SLC16A12: variants seen among roughly 807,000 people sequenced by gnomAD.
The protein encoded by SLC16A12 is solute carrier family 16 member 12.
SLC16A12 carries 17 observed loss-of-function variants against 42.4 expected under a neutral mutation model. That is an observed-to-expected ratio of 0.40 (90% CI 0.27 to 0.60). SLC16A12 has a LOEUF of 0.60. SLC16A12 is among the 20% of genes least tolerant of loss of function. SLC16A12 has a pLI of 0.42. For synonymous variants in SLC16A12, 224 were observed against 229.4 expected (o/e 0.98, Z 0.21); for missense variants, 544 against 623.0 (o/e 0.87, Z 1.35).
Position 89,486,609 on chromosome 10 carries a change from AAGAAAG to A in SLC16A12, c.-46-23991_-46-23986del, listed in dbSNP as rs1842749714. Among the ~76,000 whole-genome samples, 5 of 70,056 alleles carry A rather than the reference AAGAAAG, an allele frequency of 7.1e-5. 1 individual carries two copies. The highest frequency in any genetic ancestry group is 3.6e-4 in the African/African-American group (5 of 13,760). 46.0% of individuals were successfully genotyped at this position (70,056 alleles called of 152,430 possible). On this transcript the variant is annotated intron_variant, in intron 2 of 7. Coordinates refer to ENST00000371790, the MANE Select transcript of SLC16A12 (RefSeq NM_213606.4). ...CTTGTCTCAAAAAAAAAAAAAAAGA[AAGAAAG>A]AAAGAAAGAAAGAAAGAAAGAAAGA...
At chr10:89,465,830 G>T (rs1006944438) in intron 2 of SLC16A12, among the ~76,000 whole-genome samples, 1 of 152,214 alleles carries the variant, frequency 6.6e-6, no homozygotes, top group African/African-American at 2.4e-5. Flanking sequence ...ATGTCAGTGA[G>T]TGATGAGGCA....
chr10:89,548,907 G>T (rs1173544127), intron 2 of SLC16A12, among the ~76,000 whole-genome samples: 1 of 152,220 alleles, frequency 6.6e-6, no homozygotes, highest in Non-Finnish European at 1.5e-5. Context: ...AGAGTGGAGA[G>T]GGATGTACAC....
chr10:89,519,076 A>G (rs1331359547), intron 2 of SLC16A12, among the ~76,000 whole-genome samples: 1 of 152,208 alleles, frequency 6.6e-6, no homozygotes, highest in Non-Finnish European at 1.5e-5. Flanking sequence ...GGGGAGAAGT[A>G]TTTTAGGAAT....
chr10:89,543,828 T>C (rs186982486), intron 2 of SLC16A12, among the ~76,000 whole-genome samples: 1 of 151,996 alleles, frequency 6.6e-6, no homozygotes. Context: ...CAGCAAGACC[T>C]TGTCAAAAAA....
chr10:89,474,868 T>C (rs1276879301), intron 2 of SLC16A12, among the ~76,000 whole-genome samples: 1 of 152,210 alleles, frequency 6.6e-6, no homozygotes, highest in Non-Finnish European at 1.5e-5. Context: ...AAGTAAGGAA[T>C]GCTCTATCCA....
At chr10:89,441,404 G>A (rs1391033985) in intron 4 of SLC16A12, among the ~76,000 whole-genome samples, 153 bp from the exon 5 acceptor site, 1 of 152,106 alleles carries the variant, frequency 6.6e-6, no homozygotes, top group Non-Finnish European at 1.5e-5. Context: ...GAGAAAGGAA[G>A]TGATTGTCCA....
intron 2 of SLC16A12, among the ~76,000 whole-genome samples, chr10:89,521,368 A>G (rs1317297145): frequency 1.3e-5 from 2 of 152,272 alleles, no homozygotes; most frequent in African/African-American, 4.8e-5. Flanking sequence ...GTCACAGAGC[A>G]ATAGCTCCAT....
chr10:89,485,438 C>G (rs115939535), intron 2 of SLC16A12, among the ~76,000 whole-genome samples: 1 of 152,234 alleles, frequency 6.6e-6, no homozygotes, highest in African/African-American at 2.4e-5. Flanking sequence ...CTTATGACAT[C>G]TAACGGCTCA....
chr10:89,447,038 C>T (rs1046463494), intron 3 of SLC16A12, among the ~76,000 whole-genome samples: 3 of 152,102 alleles, frequency 2.0e-5, no homozygotes, highest in Non-Finnish European at 2.9e-5. Context: ...GTAAAGGGAT[C>T]GATTCAACAA....
intron 2 of SLC16A12, among the ~76,000 whole-genome samples, chr10:89,488,005 C>T (rs1036195334): frequency 3.6e-5 from 5 of 139,854 alleles, no homozygotes; most frequent in Admixed American, 7.2e-5. Flanking sequence ...TACACACACA[C>T]ATTTATTATA....
intron 2 of SLC16A12, among the ~76,000 whole-genome samples, chr10:89,498,884 A>G (rs1842959399): frequency 6.6e-6 from 1 of 152,198 alleles, no homozygotes; most frequent in African/African-American, 2.4e-5. Context: ...AGAGATAACA[A>G]TCACTACAGC....
At position 89,554,416 on chromosome 10, in the gene SLC16A12, C is replaced by T. The variant is rs183345076; in HGVS notation, c.-47+1466G>A. ...TAGAGAGGGAAGCTCTTTTAATGGC[C>T]GAGAAAACCTTTTGAGGAAACAGGA... On this transcript the variant is annotated intron_variant, in intron 2 of 2. Transcript: ENST00000475682. 3.8e-4 allele frequency among the ~76,000 whole-genome samples: 58 copies of T among 152,244 alleles called. 1 individual carries two copies. Among genetic ancestry groups the T allele is most frequent in the Middle Eastern group, 3.4e-3 (1 of 294 alleles).
chr10:89,468,311 C>T (rs773801586), intron 2 of SLC16A12, among the ~76,000 whole-genome samples: 3 of 152,196 alleles, frequency 2.0e-5, no homozygotes, highest in East Asian at 1.9e-4. Context: ...CATGAATAAG[C>T]GCACTCGATC....
At position 89,491,515 on chromosome 10, in the gene SLC16A12, T is replaced by A. The variant is rs1016227706; in HGVS notation, c.-46-28891A>T. Among the ~76,000 whole-genome samples, 26 of 152,064 alleles carry A rather than the reference T, an allele frequency of 1.7e-4. 2 individuals carry two copies. Among genetic ancestry groups the A allele is most frequent in the Non-Finnish European group, 5.9e-5 (4 of 68,010 alleles). On this transcript the variant is annotated intron_variant, in intron 2 of 7. Transcript: ENST00000371790. ...TGAGCCAGACCCTAGAGGAGTTTTT[T>A]TTTTTTTAAATTAATTCCAGAAAGC...
At chr10:89,520,986 T>C (rs149233599) in intron 2 of SLC16A12, among the ~76,000 whole-genome samples, 25 of 152,336 alleles carry the variant, frequency 1.6e-4, no homozygotes, top group Non-Finnish European at 3.2e-4. Flanking sequence ...TTATTTTTAC[T>C]ATTAAATGAG....
chr10:89,536,601 C>T (rs1843666423), upstream of SLC16A12, among the ~76,000 whole-genome samples: 2 of 152,016 alleles, frequency 1.3e-5, no homozygotes, highest in Admixed American at 1.3e-4. Flanking sequence ...GTAAAGTCCT[C>T]TCCTTGTCAG....
chr10:89,460,675 G>T (rs945473671), intron 3 of SLC16A12, among the ~76,000 whole-genome samples: 4 of 150,938 alleles, frequency 2.7e-5, no homozygotes, highest in African/African-American at 9.7e-5. Flanking sequence ...AATCTGGGAG[G>T]CGGAGGTTAC....
intron 2 of SLC16A12, among the ~76,000 whole-genome samples, chr10:89,486,554 T>A (rs577211649): frequency 7.4e-4 from 99 of 133,964 alleles, no homozygotes; most frequent in African/African-American, 2.4e-3. Flanking sequence ...ATCAAGCCAC[T>A]GTACTCCAGC....
At chr10:89,551,671 AGTGAATAAGTCTTAAGAGAT>A (rs1368281020) in intron 2 of SLC16A12, among the ~76,000 whole-genome samples, 33 of 152,190 alleles carry the variant, frequency 2.2e-4, no homozygotes, top group Non-Finnish European at 4.6e-4. Flanking sequence ...TTCTCATAGT[AGTGAATAAGTCTTAAGAGAT>A]CTGATGGTTT....
Sources: gnomAD v4.1 joint callset for allele counts (sites outside exome capture counted in the v4.1 genomes callset) on GRCh38, gnomAD v4.1.1 for gene constraint, MANE v1.5 for transcripts, NCBI Gene and HGNC (gene_info 2026-07-23, HGNC 2026-07-21) for gene names.